The following ADCYAP1R1 variants were observed in gnomAD, a reference collection of about 807,000 sequenced individuals.
ADCYAP1R1 encodes the protein ADCYAP receptor type I, also known as pituitary adenylate cyclase-activating polypeptide type I receptor.
In ADCYAP1R1, 44 loss-of-function variants were observed where a neutral mutation model predicts 67.6. The observed-to-expected ratio is 0.65, with a 90% CI of 0.51 to 0.84. ADCYAP1R1 has a LOEUF of 0.84. Among genes scored for constraint, ADCYAP1R1 ranks in the 40% least tolerant of loss-of-function variants. ADCYAP1R1 has a pLI of 0.00. For synonymous variants in ADCYAP1R1, 222 were observed against 219.6 expected, an observed-to-expected ratio of 1.01 and a Z score of -0.10; for missense variants, 477 against 587.9, an observed-to-expected ratio of 0.81 and a Z score of 1.95.
chr7:31,061,378 G>A (rs992958909), intron 1 of ADCYAP1R1, among the ~76,000 whole-genome samples: 7 of 152,220 alleles, frequency 4.6e-5, no homozygotes, highest in African/African-American at 1.4e-4. Context: ...AGCCCTTTAG[G>A]GGCCACCAGT....
intron 13 of ADCYAP1R1, among the ~76,000 whole-genome samples, chr7:31,093,924 C>T (rs199746868): frequency 6.6e-6 from 1 of 152,112 alleles, no homozygotes; most frequent in South Asian, 2.1e-4. Context: ...TGCTCGGAGA[C>T]CAAATCCTAG....
intron 12 of ADCYAP1R1, among the ~76,000 whole-genome samples, chr7:31,091,648 A>G (rs1222437439): frequency 6.6e-6 from 1 of 152,146 alleles, no homozygotes; most frequent in African/African-American, 2.4e-5. Flanking sequence ...CAGCAATCCC[A>G]GCATCATTTA....
Position 31,092,676 on chromosome 7 carries a change from C to T in ADCYAP1R1, c.987C>T (p.Val329=), listed in dbSNP as rs1469899317. ...VNFVLFIGII[V]ILVQKLQSPD... The stretch of plus-strand genomic sequence containing the variant: ...TTGTGCTTTTTATTGGCATTATCGT[C>T]ATCCTTGTGCAGAAACTTCAGTCTC... Residue 329 remains valine, a synonymous_variant, in exon 13 of 16, where the codon GTC becomes GTT. Coordinates refer to ENST00000304166, the MANE Select transcript of ADCYAP1R1 (RefSeq NM_001118.5). 6.2e-7 allele frequency: 1 copy of T among 1,611,692 alleles called. No homozygotes were observed. The highest frequency in any genetic ancestry group is 1.3e-5 in the African/African-American group (1 of 74,682).
intron 3 of ADCYAP1R1, 92 bp from the exon 4 acceptor site, chr7:31,077,894 TGTGTG>T: frequency 1.4e-6 from 1 of 699,698 alleles, no homozygotes; most frequent in South Asian, 2.0e-5. Context: ...GTCTGTGGTG[TGTGTG>T]GTGTGTATGT....
intron 13 of ADCYAP1R1, among the ~76,000 whole-genome samples, chr7:31,094,295 C>T (rs74372375): frequency 0.048 from 7,355 of 152,124 alleles, 608 homozygotes; most frequent in African/African-American, 0.17. Flanking sequence ...ACTACATAAC[C>T]TGCCCTAGAG....
Position 31,108,712 on chromosome 7 carries a change from A to C in ADCYAP1R1, c.*2028A>C, listed in dbSNP as rs1327616778. ...AGTCAAGACAGGTAAAAGGGCATTCATCATTGTGCCTCATATCAGGTTTTG... is the reference window on the plus strand; with the variant it reads ...AGTCAAGACAGGTAAAAGGGCATTCCTCATTGTGCCTCATATCAGGTTTTG... On this transcript the variant is annotated 3_prime_UTR_variant, in exon 16 of 16. Transcript: ENST00000304166. 1 of 151,838 alleles carries C rather than the reference A, an allele frequency of 6.6e-6. No individual in the cohort carries two copies. The highest frequency in any genetic ancestry group is 2.4e-5 in the African/African-American group (1 of 41,230). 9.4% of individuals were successfully genotyped at this position (151,838 alleles called of 1,614,324 possible).
rs1043244158 is a variant in ADCYAP1R1, at chr7:31,086,294, G to A, written c.670-90G>A. Reference sequence around the variant, plus strand: ...TTAGATCCTTGGGATGTTTGAACCTGAGCATGCCAGAGCCAACGGGCCCTA... The same window carrying A: ...TTAGATCCTTGGGATGTTTGAACCTAAGCATGCCAGAGCCAACGGGCCCTA... On this transcript the variant is annotated intron_variant, in intron 9 of 15. Coordinates refer to ENST00000304166, the MANE Select transcript of ADCYAP1R1 (RefSeq NM_001118.5). The surrounding 1 kb of genome is among the most constrained non-coding windows in gnomAD (Gnocchi z 5.0). 7.4e-7 allele frequency: 1 copy of A among 1,343,744 alleles called. No individual in the cohort carries two copies. Among genetic ancestry groups the A allele is most frequent in the Admixed American group, 2.3e-5 (1 of 44,386 alleles). 83.2% of individuals were successfully genotyped at this position (1,343,744 alleles called of 1,614,324 possible).
At chr7:31,077,716 ATG>A (rs574388779) in intron 3 of ADCYAP1R1, among the ~76,000 whole-genome samples, 12 of 114,404 alleles carry the variant, frequency 1.0e-4, no homozygotes, top group South Asian at 8.5e-4. Flanking sequence ...TGTGTGTGTA[ATG>A]TGTGTGTGGT....
At chr7:31,099,631 C>T (rs1388505149) in intron 13 of ADCYAP1R1, among the ~76,000 whole-genome samples, 5 of 152,168 alleles carry the variant, frequency 3.3e-5, no homozygotes, top group South Asian at 2.1e-4. Flanking sequence ...GACCAGTGGA[C>T]GGACACCCAA....
In ADCYAP1R1 at chr7:31,102,069, A is replaced by G. The variant is rs1372026611; in HGVS notation, c.1047-1168A>G. Among the ~76,000 whole-genome samples the G allele has an allele frequency of 6.6e-6, 1 of 152,214 alleles. No homozygotes were observed. The highest frequency in any genetic ancestry group is 1.9e-4 in the East Asian group (1 of 5,200). On this transcript the variant is annotated intron_variant, in intron 13 of 15. Transcript: ENST00000304166. The surrounding 1 kb of genome is among the most constrained non-coding windows in gnomAD (Gnocchi z 4.3). ...AAGTCAAGGGCCTCACACAGACTCCAAGAGTTCAGCTTCTCTAGAGATCTG... is the reference window on the plus strand; with the variant it reads ...AAGTCAAGGGCCTCACACAGACTCCGAGAGTTCAGCTTCTCTAGAGATCTG...
At chr7:31,076,160 C>G (rs975534241) in intron 3 of ADCYAP1R1, among the ~76,000 whole-genome samples, 2 of 152,222 alleles carry the variant, frequency 1.3e-5, no homozygotes, top group Non-Finnish European at 2.9e-5. Context: ...GCAGGGTGAG[C>G]TCATCCAAGG....
chr7:31,088,767 C>T (rs1369500025), intron 12 of ADCYAP1R1, among the ~76,000 whole-genome samples: 1 of 152,152 alleles, frequency 6.6e-6, no homozygotes, highest in African/African-American at 2.4e-5. Flanking sequence ...GTTACTGTAA[C>T]CTTGTAGCAT....
At chr7:31,065,823 G>A (rs555721659) in intron 3 of ADCYAP1R1, among the ~76,000 whole-genome samples, 4 of 152,324 alleles carry the variant, frequency 2.6e-5, no homozygotes, top group African/African-American at 9.6e-5. Flanking sequence ...GCTCAGGCTG[G>A]AGGGATTCAT....
intron 2 of ADCYAP1R1, 43 bp from the exon 3 acceptor site, chr7:31,064,788 G>A (rs1171838866): frequency 2.7e-6 from 4 of 1,506,884 alleles, no homozygotes; most frequent in Admixed American, 1.8e-5. Flanking sequence ...TTACAGATGG[G>A]CCTCCTACCC....
intron 11 of ADCYAP1R1, 30 bp downstream of exon 11, chr7:31,087,033 A>G: frequency 1.2e-6 from 2 of 1,612,642 alleles, no homozygotes; most frequent in Non-Finnish European, 8.5e-7. Flanking sequence ...TCAGGGCCAC[A>G]GCACAGAGTA....
At chr7:31,065,328 G>T (rs989028860) in intron 3 of ADCYAP1R1, among the ~76,000 whole-genome samples, 1 of 152,178 alleles carries the variant, frequency 6.6e-6, no homozygotes, top group South Asian at 2.1e-4. Context: ...GGCAGGAAAC[G>T]TGGGGTCCTT....
At chr7:31,065,257 G>T (rs1794687008) in intron 3 of ADCYAP1R1, among the ~76,000 whole-genome samples, 1 of 152,194 alleles carries the variant, frequency 6.6e-6, no homozygotes, top group East Asian at 1.9e-4. Flanking sequence ...GCATGGGCCT[G>T]GTGGCAGCAG....
chr7:31,101,885 G>T (rs193291107), intron 13 of ADCYAP1R1, among the ~76,000 whole-genome samples: 1 of 152,230 alleles, frequency 6.6e-6, no homozygotes, highest in South Asian at 2.1e-4. Flanking sequence ...GGATCCTGGT[G>T]GCCCTTGTCT....
rs773947376 is a variant in ADCYAP1R1 at position 31,103,349 on chromosome 7, G to C, written c.1159G>C (p.Gly387Arg). 5.0e-6 allele frequency: 8 copies of C among 1,614,176 alleles called. No homozygotes were observed. The highest frequency in any genetic ancestry group is 5.1e-6 in the Non-Finnish European group (6 of 1,180,022). Residue 387 changes from glycine (G) to arginine (R), a missense_variant, in exon 14 of 16, where the codon GGG becomes CGG. Transcript: ENST00000304166. ...AAGGGAAAGACTCGTGTTTGAGCTG[G>C]GGCTGGGCTCCTTCCAGGTAGGTGT... ...SKRERLVFEL[G>R]LGSFQGFVVA...
Sources: allele counts gnomAD v4.1 joint callset (sites outside exome capture counted in the v4.1 genomes callset), GRCh38; gene constraint gnomAD v4.1.1; non-coding constraint Gnocchi (gnomAD v3.1); transcripts MANE v1.5; gene names NCBI Gene and HGNC (gene_info 2026-07-23, HGNC 2026-07-21).